The following KCNT2 variants were observed in gnomAD, a reference collection of about 807,000 sequenced individuals.
The protein encoded by KCNT2 is potassium channel subfamily T member 2.
Under a neutral mutation model 153.8 loss-of-function variants are expected in KCNT2, and 67 were observed. That is an observed-to-expected ratio of 0.44 (90% confidence interval 0.36 to 0.53). The LOEUF is 0.53. KCNT2 is among the 20% of genes least tolerant of loss of function. The pLI, the probability that KCNT2 is intolerant of heterozygous loss-of-function variation, is 0.00. For synonymous variants in KCNT2, 500 were observed against 458.8 expected, an observed-to-expected ratio of 1.09 and a Z score of -1.15; for missense variants, 975 against 1,354.8, an observed-to-expected ratio of 0.72 and a Z score of 4.40.
chr1:196,265,777 C>T (rs933677176), intron 25 of KCNT2, among the ~76,000 whole-genome samples: 1 of 152,148 alleles, frequency 6.6e-6, no homozygotes, highest in Non-Finnish European at 1.5e-5. Flanking sequence ...CAGCACAGTT[C>T]CTGATCCCCA....
intron 1 of KCNT2, among the ~76,000 whole-genome samples, chr1:196,602,768 C>CTTTT (rs1664872229): frequency 2.0e-5 from 2 of 99,736 alleles, no homozygotes; most frequent in South Asian, 3.0e-4. Flanking sequence ...TATTCAAAGT[C>CTTTT]TATTTTTTTT....
At chr1:196,600,228 G>T (rs982401869) in intron 1 of KCNT2, among the ~76,000 whole-genome samples, 3 of 152,120 alleles carry the variant, frequency 2.0e-5, no homozygotes, top group Admixed American at 6.5e-5. Context: ...CTATTCATCT[G>T]CTGCAAGCAT....
chr1:196,311,572 G>A (rs938683568), intron 21 of KCNT2, among the ~76,000 whole-genome samples: 12 of 151,730 alleles, frequency 7.9e-5, no homozygotes, highest in South Asian at 6.2e-4. Flanking sequence ...TCAACCCAAG[G>A]GGACTTCTCA....
Position 196,226,674 on chromosome 1 carries a change from A to G in KCNT2, c.*1550T>C, listed in dbSNP as rs1446426522. The G allele has an allele frequency of 6.6e-6, 1 of 152,014 alleles. No individual in the cohort carries two copies. The highest frequency in any genetic ancestry group is 1.5e-5 in the Non-Finnish European group (1 of 67,848). The allele number at this position is 152,014 out of a possible 1,614,324, so 9.4% of individuals were successfully genotyped here. ...AATCTTTGATTTCACATTGCACTTT[A>G]CAGTTTTATTTCTGTAGAATTATTG... is the stretch of plus-strand genomic sequence containing the variant. On this transcript the variant is annotated 3_prime_UTR_variant, in exon 28 of 28. Transcript: ENST00000294725.
At chr1:196,420,921 T>C (rs1478767346) in intron 12 of KCNT2, among the ~76,000 whole-genome samples, 3 of 152,066 alleles carry the variant, frequency 2.0e-5, no homozygotes, top group Admixed American at 1.3e-4. Flanking sequence ...AATGGATATG[T>C]ACAGGGGTTC....
chr1:196,423,153 A>G (rs1201416278), intron 11 of KCNT2, 40 bp from the exon 12 acceptor site: 4 of 1,324,856 alleles, frequency 3.0e-6, no homozygotes, highest in Middle Eastern at 1.8e-4. Context: ...ACACACTGAA[A>G]TATCTACAGG....
At chr1:196,413,130 T>A (rs1394919483) in intron 12 of KCNT2, among the ~76,000 whole-genome samples, 2 of 151,686 alleles carry the variant, frequency 1.3e-5, no homozygotes, top group Non-Finnish European at 3.0e-5. Flanking sequence ...TATTATAATA[T>A]TTAAACAGTA....
At chr1:196,479,666 A>G (rs1289674726) in intron 4 of KCNT2, among the ~76,000 whole-genome samples, 2 of 152,104 alleles carry the variant, frequency 1.3e-5, no homozygotes, top group African/African-American at 4.8e-5. Context: ...CCTACTCAGC[A>G]TTCCTAAGTG....
In KCNT2 at chr1:196,258,402, G is replaced by A; in HGVS notation, c.3003C>T (p.Ser1001=). The change falls in exon 26 of 28, where the codon TCC becomes TCT. Residue 1001 remains serine, a synonymous_variant. Coordinates refer to ENST00000294725, the MANE Select transcript of KCNT2 (RefSeq NM_198503.5). The part of the protein sequence containing the change: ...HHRSNHRNST[S]SDQSDHPLLR... ...GCAAGGGATGGTCCGACTGATCACT[G>A]GATGTTGAGTTGCGGTGGTTGCTGC... 6.2e-7 allele frequency: 1 copy of A among 1,613,992 alleles called. No individual in the cohort carries two copies. Among genetic ancestry groups the A allele is most frequent in the Non-Finnish European group, 8.5e-7 (1 of 1,179,982 alleles).
intron 21 of KCNT2, among the ~76,000 whole-genome samples, chr1:196,308,820 T>A (rs540829992): frequency 1.3e-5 from 2 of 151,950 alleles, no homozygotes; most frequent in Non-Finnish European, 2.9e-5. Flanking sequence ...ATAAAATAAA[T>A]TATTAACAAT....
chr1:196,599,167 C>T (rs561006894), intron 1 of KCNT2, among the ~76,000 whole-genome samples: 2 of 152,336 alleles, frequency 1.3e-5, no homozygotes, highest in South Asian at 2.1e-4. Context: ...CAGTTTTTGA[C>T]AGACTTGAGA....
At chr1:196,255,559 A>G (rs1002693533) in intron 26 of KCNT2, among the ~76,000 whole-genome samples, 1 of 151,872 alleles carries the variant, frequency 6.6e-6, no homozygotes, top group Admixed American at 6.6e-5. Context: ...TACTGAGCAT[A>G]TAACGCATAA....
intron 1 of KCNT2, among the ~76,000 whole-genome samples, chr1:196,600,524 C>CA (rs35215793): frequency 0.98 from 149,685 of 152,302 alleles, 73,600 homozygotes; most frequent in Middle Eastern, 1. Context: ...TTTTAGGCAA[C>CA]AAAAACTAAT....
At chr1:196,487,370 TG>T (rs1679508329) in intron 3 of KCNT2, among the ~76,000 whole-genome samples, 2 of 150,848 alleles carry the variant, frequency 1.3e-5, no homozygotes, top group African/African-American at 4.9e-5. Flanking sequence ...AATCACAAAA[TG>T]CAGTGGGCTT....
intron 8 of KCNT2, among the ~76,000 whole-genome samples, chr1:196,462,216 C>T (rs548229736): frequency 2.0e-5 from 3 of 151,666 alleles, no homozygotes; most frequent in East Asian, 3.9e-4. Context: ...ATTTACCATG[C>T]CCCTGGTTTT....
intron 27 of KCNT2, among the ~76,000 whole-genome samples, chr1:196,228,578 T>A (rs193222423): frequency 6.6e-6 from 1 of 152,188 alleles, no homozygotes; most frequent in East Asian, 1.9e-4. Context: ...GCACTATTAT[T>A]TTTCTTCTTC....
intron 13 of KCNT2, among the ~76,000 whole-genome samples, chr1:196,392,181 A>C (rs1432213478): frequency 6.6e-6 from 1 of 151,300 alleles, no homozygotes; most frequent in Non-Finnish European, 1.5e-5. Context: ...GTAGATGGAG[A>C]GAATATGGTT....
At position 196,359,734 on chromosome 1, in the gene KCNT2, A is replaced by T. The variant is rs557640913; in HGVS notation, c.1403+13406T>A. Among the ~76,000 whole-genome samples the T allele has an allele frequency of 3.0e-4, 46 of 152,156 alleles. No homozygotes were observed. In the South Asian group the frequency reaches 8.5e-3, roughly 28 times the overall value. On this transcript the variant is annotated intron_variant, in intron 14 of 27. Transcript: ENST00000294725. ...TGAATTAAGGAGATTAAAAATATTC[A>T]TGAAGAGATAGAATTTTTGATTTAA...
In KCNT2 at chr1:196,331,216, T is replaced by C. The variant is rs1387957960; in HGVS notation, c.2043A>G (p.Ser681=). 20 of 1,609,140 alleles carry C rather than the reference T, an allele frequency of 1.2e-5. No homozygotes were observed. The highest frequency in any genetic ancestry group is 1.5e-5 in the Non-Finnish European group (18 of 1,175,900). ...CATGAAGGAGATGACAAAAAGTGGG[T>C]GAACTTCCTATATATGGAGAATAAG... The part of the protein sequence containing the change: ...YPPYSPYIGS[S]PTFCHLLHEK... Residue 681 remains serine (S), a synonymous_variant, in exon 18 of 28, where the codon TCA becomes TCG. Transcript: ENST00000294725.
Sources: allele counts gnomAD v4.1 joint callset (sites outside exome capture counted in the v4.1 genomes callset), GRCh38; gene constraint gnomAD v4.1.1; transcripts MANE v1.5; gene names NCBI Gene and HGNC (gene_info 2026-07-23, HGNC 2026-07-21).